Variants in EMC2 observed in about 807,000 individuals in gnomAD.
The protein encoded by EMC2 is ER membrane protein complex subunit 2.
A neutral mutation model predicts 51.6 loss-of-function variants in EMC2; 37 were observed. That is an observed-to-expected ratio of 0.72 (90% CI 0.55 to 0.94). The LOEUF is 0.94. Among genes scored for constraint, EMC2 ranks in the 40% least tolerant of loss-of-function variants. EMC2 has a pLI of 0.00. For missense variants in EMC2, 359 were observed against 350.9 expected (o/e 1.02, Z -0.18); for synonymous variants, 131 against 112.4 (o/e 1.17, Z -1.04).
At chr8:108,469,772 A>G in intron 5 of EMC2, 54 bp from the exon 6 acceptor site, 1 of 1,462,030 alleles carries the variant, frequency 6.8e-7, no homozygotes, top group Non-Finnish European at 9.5e-7. Context: ...TACCTTCTTT[A>G]CAAAACCCCA....
intron 1 of EMC2, among the ~76,000 whole-genome samples, chr8:108,448,860 G>A (rs1184919898): frequency 1.3e-5 from 2 of 148,466 alleles, no homozygotes; most frequent in Non-Finnish European, 3.0e-5. Context: ...CTTTTTTTTT[G>A]CACCAGAATG....
chr8:108,448,750 T>C (rs879901549), intron 1 of EMC2, among the ~76,000 whole-genome samples: 1 of 152,212 alleles, frequency 6.6e-6, no homozygotes, highest in Non-Finnish European at 1.5e-5. Context: ...TTCTTTGAAC[T>C]GTTTACTCCT....
At chr8:108,461,997 T>TG (rs555429824) in intron 5 of EMC2, among the ~76,000 whole-genome samples, 11 of 152,142 alleles carry the variant, frequency 7.2e-5, no homozygotes, top group Admixed American at 2.6e-4. Context: ...TTAGTAGAGA[T>TG]GGGGTTTCAC....
intron 5 of EMC2, among the ~76,000 whole-genome samples, chr8:108,460,068 G>A (rs1819279264): frequency 6.6e-6 from 1 of 152,006 alleles, no homozygotes; most frequent in Non-Finnish European, 1.5e-5. Context: ...AGACTTCACT[G>A]TGGTTTCAAA....
At chr8:108,448,705 GCAGTGGGAAAACGGACTAATACAAC>G (rs1818939248) in intron 1 of EMC2, among the ~76,000 whole-genome samples, 1 of 152,140 alleles carries the variant, frequency 6.6e-6, no homozygotes, top group African/African-American at 2.4e-5. Flanking sequence ...GTCTTTATCA[GCAGTGGGAAAACGGACTAATACAAC>G]CAGTTTCTTT....
chr8:108,476,450 A>T (rs184441173), intron 8 of EMC2, among the ~76,000 whole-genome samples: 3 of 151,978 alleles, frequency 2.0e-5, no homozygotes, highest in Non-Finnish European at 4.4e-5. Flanking sequence ...GTCCACATTT[A>T]TAATGCCAGT....
intron 4 of EMC2, among the ~76,000 whole-genome samples, chr8:108,453,898 G>C (rs191363069): frequency 4.7e-4 from 71 of 152,170 alleles, no homozygotes; most frequent in Admixed American, 7.2e-4. Flanking sequence ...TTGATGTTCT[G>C]TTGTTAGTCA....
intron 7 of EMC2, among the ~76,000 whole-genome samples, chr8:108,471,606 A>G (rs1810857747): frequency 6.6e-6 from 1 of 151,840 alleles, no homozygotes; most frequent in Admixed American, 6.6e-5. Flanking sequence ...CCTTAGTTAT[A>G]TTTTGTTCAA....
At chr8:108,476,189 A>G (rs1199526442) in intron 8 of EMC2, among the ~76,000 whole-genome samples, 1 of 151,846 alleles carries the variant, frequency 6.6e-6, no homozygotes, top group African/African-American at 2.4e-5. Context: ...TTATATTTGT[A>G]TACTATTTTC....
At chr8:108,444,491 T>C (rs530192041) in intron 1 of EMC2, among the ~76,000 whole-genome samples, 1 of 152,192 alleles carries the variant, frequency 6.6e-6, no homozygotes, top group Non-Finnish European at 1.5e-5. Flanking sequence ...GCGTGGAATT[T>C]GTGTAATTGG....
intron 7 of EMC2, among the ~76,000 whole-genome samples, chr8:108,472,415 A>G (rs1184638303): frequency 6.6e-6 from 1 of 151,864 alleles, no homozygotes; most frequent in Non-Finnish European, 1.5e-5. Flanking sequence ...GAAGATTTAC[A>G]AAGATGTAGG....
At chr8:108,462,220 C>CGTGTGTGTGTGTGTGTGTGCGTGTGT (rs370802068) in intron 5 of EMC2, among the ~76,000 whole-genome samples, 1 of 99,366 alleles carries the variant, frequency 1.0e-5, no homozygotes, top group Non-Finnish European at 2.6e-5. Flanking sequence ...GTTTTGTGTG[C>CGTGTGTGTGTGTGTGTGTGCGTGTGT]GTGTGTGTGT....
intron 1 of EMC2, among the ~76,000 whole-genome samples, chr8:108,449,473 A>G (rs1818964115): frequency 6.6e-6 from 1 of 152,152 alleles, no homozygotes; most frequent in Admixed American, 6.5e-5. Context: ...AGGTTTCGCC[A>G]CGTTGGCCAG....
intron 3 of EMC2, among the ~76,000 whole-genome samples, chr8:108,452,090 T>C (rs1819038433): frequency 6.6e-6 from 1 of 152,346 alleles, no homozygotes; most frequent in South Asian, 2.1e-4. Flanking sequence ...CTTTAACATT[T>C]CTAGGACTTC....
In EMC2 at chr8:108,455,887, T is replaced by A. The variant is rs1819139673; in HGVS notation, c.320T>A (p.Ile107Lys). The A allele has an allele frequency of 2.3e-6, 3 of 1,307,432 alleles. No homozygotes were observed. The highest frequency in any genetic ancestry group is 3.8e-4 in the Middle Eastern group (2 of 5,198). The allele number at this position is 1,307,432 out of a possible 1,614,324, so 81.0% of individuals were successfully genotyped here. The change falls in exon 5 of 11, where the codon ATA becomes AAA. Residue 107 changes from isoleucine (I) to lysine (K), a missense_variant. Coordinates refer to ENST00000220853, the MANE Select transcript of EMC2 (RefSeq NM_014673.5). ...FEAMERYDDA[I>K]QLYDRILQED... ...TTTTTAAATAGATATGATGATGCTA[T>A]ACAGCTATATGATAGGATTTTACAA...
intron 5 of EMC2, among the ~76,000 whole-genome samples, chr8:108,462,585 C>T (rs1479852932): frequency 7.2e-5 from 11 of 152,068 alleles, no homozygotes; most frequent in African/African-American, 1.4e-4. Context: ...TTCATCTGTA[C>T]CCACTTTCTG....
At chr8:108,452,581 A>T (rs1236737488) in intron 3 of EMC2, among the ~76,000 whole-genome samples, 1 of 152,150 alleles carries the variant, frequency 6.6e-6, no homozygotes, top group Non-Finnish European at 1.5e-5. Flanking sequence ...AAAAATAAGA[A>T]AGGTTGGCTG....
At chr8:108,479,781 T>C (rs1329939249) in intron 10 of EMC2, among the ~76,000 whole-genome samples, 2 of 152,110 alleles carry the variant, frequency 1.3e-5, no homozygotes, top group African/African-American at 2.4e-5. Context: ...GTTTTTAATA[T>C]AGACGAGATC....
At chr8:108,454,409 G>A (rs923360928) in intron 4 of EMC2, among the ~76,000 whole-genome samples, 4 of 151,876 alleles carry the variant, frequency 2.6e-5, no homozygotes, top group East Asian at 1.9e-4. Context: ...CTGAGAGTTT[G>A]CAATATATAT....
Sources: gnomAD v4.1 joint callset for allele counts (sites outside exome capture counted in the v4.1 genomes callset) on GRCh38, gnomAD v4.1.1 for gene constraint, MANE v1.5 for transcripts, NCBI Gene and HGNC (gene_info 2026-07-23, HGNC 2026-07-21) for gene names.